Variants in ADGRG2 observed in about 807,000 individuals in gnomAD.
The protein encoded by ADGRG2 is G protein-coupled receptor 64.
In ADGRG2, 26 loss-of-function variants were observed where a neutral mutation model predicts 74.1. That is an observed-to-expected ratio of 0.35 (90% CI 0.26 to 0.49). The LOEUF (loss-of-function observed/expected upper bound fraction) is 0.49. Ranked by LOEUF, ADGRG2 falls within the 20% of genes least tolerant of loss-of-function variation. The pLI is 0.99. For missense variants in ADGRG2, 619 were observed against 763.1 expected, an observed-to-expected ratio of 0.81 and a Z score of 2.22; for synonymous variants, 296 against 295.2, an observed-to-expected ratio of 1.00 and a Z score of -0.03.
Position 19,054,023 on chromosome X carries a change from A to G in ADGRG2, c.119-13799T>C, listed in dbSNP as rs150201558. ...CACCGGGTCCCTCCTACAACATGTA[A>G]GAATTATGGGAGCTGCAATTCAAGA... On this transcript the variant is annotated intron_variant, in intron 3 of 28. Transcript: ENST00000379869. Among the ~76,000 whole-genome samples, 551 of 112,131 alleles carry G rather than the reference A, an allele frequency of 4.9e-3. 4 individuals carry two copies. Among genetic ancestry groups the G allele is most frequent in the African/African-American group, 0.017 (526 of 30,891 alleles).
At chrX:19,036,588 C>CAA (rs2060944880) in intron 6 of ADGRG2, among the ~76,000 whole-genome samples, 1 of 101,350 alleles carries the variant, frequency 9.9e-6, no homozygotes, top group Non-Finnish European at 2.0e-5. Flanking sequence ...AGGAAAAAAC[C>CAA]AAAAGGCATT....
At chrX:19,023,823 CA>C (rs1315726424) in intron 12 of ADGRG2, 85 bp downstream of exon 12, 7 of 641,492 alleles carry the variant, frequency 1.1e-5, no homozygotes, top group Admixed American at 2.7e-5. Context: ...AATTTGAATA[CA>C]TATCTCCCAG....
chrX:19,112,988 C>CAAAAAAAAAAAAAAAAACA (rs756477082), intron 1 of ADGRG2, among the ~76,000 whole-genome samples: 1 of 71,430 alleles, frequency 1.4e-5, no homozygotes. Flanking sequence ...AAAAAAAAAC[C>CAAAAAAAAAAAAAAAAACA]AAAAAAAAAA....
At chrX:19,120,405 T>C (rs772340168) in intron 1 of ADGRG2, among the ~76,000 whole-genome samples, 19 of 112,313 alleles carry the variant, frequency 1.7e-4, no homozygotes, top group African/African-American at 6.1e-4. Flanking sequence ...GTATTGTCTA[T>C]CAATAATTAA....
chrX:19,096,467 T>C (rs2062098887), intron 1 of ADGRG2, among the ~76,000 whole-genome samples: 1 of 109,482 alleles, frequency 9.1e-6, no homozygotes, highest in Admixed American at 9.8e-5. Flanking sequence ...AAAACTACCA[T>C]TTGATAGAAA....
chrX:19,015,117 A>C (rs1325725120), intron 15 of ADGRG2, among the ~76,000 whole-genome samples: 2 of 111,554 alleles, frequency 1.8e-5, no homozygotes, highest in Non-Finnish European at 3.8e-5. Flanking sequence ...TGAGAGATCT[A>C]GGGAGGAACA....
rs1247960446 is a variant in ADGRG2, at chrX:19,102,130, G to T, written c.-46-19384C>A. Among the ~76,000 whole-genome samples, 11 of 103,793 alleles carry T rather than the reference G, an allele frequency of 1.1e-4. No individual in the cohort carries two copies. In the Admixed American group the frequency reaches 1.1e-3, roughly 11 times the overall value. The allele number at this position is 103,793 out of a possible 115,157, so 90.1% of individuals were successfully genotyped here. ...TCACACCTGTAATCCCAGCACTTTG[G>T]GAGGCCAAGGCAGGCAGATCACTTG... On this transcript the variant is annotated intron_variant, in intron 1 of 28. Coordinates refer to ENST00000379869, the MANE Select transcript of ADGRG2 (RefSeq NM_001079858.3).
At chrX:19,048,898 G>C (rs1304370767) in intron 3 of ADGRG2, among the ~76,000 whole-genome samples, 2 of 112,150 alleles carry the variant, frequency 1.8e-5, no homozygotes, top group East Asian at 5.6e-4. Flanking sequence ...TTGGGAGTGG[G>C]GAAAGCGGGA....
chrX:19,026,521 G>A (rs1370784112), intron 11 of ADGRG2, among the ~76,000 whole-genome samples: 2 of 105,657 alleles, frequency 1.9e-5, no homozygotes, highest in African/African-American at 7.0e-5. Context: ...TTGAGACAGA[G>A]TTTCGCTCTT....
At chrX:19,019,063 T>C (rs2060530775) in intron 15 of ADGRG2, among the ~76,000 whole-genome samples, 2 of 111,762 alleles carry the variant, frequency 1.8e-5, no homozygotes, top group South Asian at 7.4e-4. Flanking sequence ...GCCGGGATGG[T>C]CTCGATCTCC....
At chrX:19,059,635 A>G (rs140424075) in intron 3 of ADGRG2, among the ~76,000 whole-genome samples, 5 of 107,836 alleles carry the variant, frequency 4.6e-5, no homozygotes, top group Non-Finnish European at 7.7e-5. Context: ...ATGTAGTAGT[A>G]CTAAAGAATC....
At chrX:19,085,062 C>T (rs1685193950) in intron 1 of ADGRG2, among the ~76,000 whole-genome samples, 1 of 112,124 alleles carries the variant, frequency 8.9e-6, no homozygotes, top group Non-Finnish European at 1.9e-5. Context: ...CACAGAAATA[C>T]TGACCCATAG....
rs747474954 is a variant in ADGRG2, at chrX:19,099,582, A to T, written c.-46-16836T>A. Among the ~76,000 whole-genome samples, 8 of 112,381 alleles carry T rather than the reference A, an allele frequency of 7.1e-5. No homozygotes were observed. In the East Asian group the frequency reaches 2.2e-3, roughly 31 times the overall value. ...ATGTCACAAAGGTAAGTGGCAGAAC[A>T]AGCATTTGAACTTGGGCTGCTGAGC... is the stretch of plus-strand genomic sequence containing the variant. On this transcript the variant is annotated intron_variant, in intron 1 of 28. Coordinates refer to ENST00000379869, the MANE Select transcript of ADGRG2 (RefSeq NM_001079858.3).
intron 1 of ADGRG2, among the ~76,000 whole-genome samples, chrX:19,105,728 T>A (rs1019699373): frequency 9.2e-6 from 1 of 109,236 alleles, no homozygotes; most frequent in Admixed American, 9.8e-5. Context: ...TAAAGTATAA[T>A]AAAAAAAATT....
intron 7 of ADGRG2, 174 bp from the exon 8 acceptor site, chrX:19,033,828 T>G (rs755601973): frequency 3.0e-4 from 103 of 344,707 alleles, no homozygotes; most frequent in Admixed American, 1.5e-3. Flanking sequence ...CCACGGATCA[T>G]GTAGCATTGG....
In ADGRG2 at chrX:18,999,038, C is replaced by T. The variant is rs775020036; in HGVS notation, c.2572G>A (p.Val858Met). 2.0e-5 allele frequency: 24 copies of T among 1,206,425 alleles called. No homozygotes were observed. Among genetic ancestry groups the T allele is most frequent in the East Asian group, 1.8e-4 (6 of 33,770 alleles). ...ATGGCAAACAGATACATGAAGGTCACGTTAACTGGTCCCCAGGCAAAGAAG... is the reference window on the plus strand; with the variant it reads ...ATGGCAAACAGATACATGAAGGTCATGTTAACTGGTCCCCAGGCAAAGAAG... ...FAFFAWGPVN[V>M]TFMYLFAIFN... Residue 858 changes from valine (V) to methionine (M), a missense_variant, in exon 26 of 29, where the codon GTG becomes ATG. Transcript: ENST00000379869.
At chrX:19,099,461 G>A (rs1187610883) in intron 1 of ADGRG2, among the ~76,000 whole-genome samples, 1 of 112,161 alleles carries the variant, frequency 8.9e-6, no homozygotes, top group Non-Finnish European at 1.9e-5. Context: ...GCAAAACCAA[G>A]ATACAGCACC....
intron 2 of ADGRG2, among the ~76,000 whole-genome samples, chrX:19,069,229 C>T (rs1469163730): frequency 1.8e-5 from 2 of 111,810 alleles, no homozygotes; most frequent in African/African-American, 6.5e-5. Context: ...GATAGGGTCT[C>T]GCTATGTAGC....
At chrX:19,104,089 C>G (rs2062236803) in intron 1 of ADGRG2, among the ~76,000 whole-genome samples, 1 of 110,975 alleles carries the variant, frequency 9.0e-6, no homozygotes, top group African/African-American at 3.3e-5. Context: ...GAGCAGTGAC[C>G]ATCGATGCAA....
Sources: allele counts gnomAD v4.1 joint callset (sites outside exome capture counted in the v4.1 genomes callset), GRCh38; gene constraint gnomAD v4.1.1; transcripts MANE v1.5; gene names NCBI Gene and HGNC (gene_info 2026-07-23, HGNC 2026-07-21).